SLC13A3: variants seen among roughly 807,000 people sequenced by gnomAD.
SLC13A3 encodes Na(+)/dicarboxylate cotransporter 3.
SLC13A3 carries 40 observed loss-of-function variants against 59.0 expected under a neutral mutation model. That is an observed-to-expected ratio of 0.68 (90% CI 0.53 to 0.88). SLC13A3 has a LOEUF of 0.88. SLC13A3 is among the 40% of genes least tolerant of loss of function. The pLI is 0.00. For synonymous variants in SLC13A3, 317 were observed against 330.3 expected (o/e 0.96, Z 0.44); for missense variants, 699 against 783.2 (o/e 0.89, Z 1.28).
At chr20:46,628,482 C>T (rs2062701459) in intron 1 of SLC13A3, among the ~76,000 whole-genome samples, 1 of 152,150 alleles carries the variant, frequency 6.6e-6, no homozygotes, top group Non-Finnish European at 1.5e-5. Context: ...CTAACGGAGT[C>T]TGCATCTGGA....
At chr20:46,675,266 G>C (rs530519683) in intron 1 of SLC13A3, among the ~76,000 whole-genome samples, 1 of 152,066 alleles carries the variant, frequency 6.6e-6, no homozygotes, top group Middle Eastern at 3.4e-3. Context: ...GTCTCACTCT[G>C]TCACCCAGGC....
intron 1 of SLC13A3, among the ~76,000 whole-genome samples, chr20:46,663,474 C>T (rs2063044088): frequency 6.6e-6 from 1 of 151,602 alleles, no homozygotes. Flanking sequence ...GGGGGCTTTA[C>T]CAAGATTTGT....
At position 46,675,913 on chromosome 20, in the gene SLC13A3, C is replaced by T. The variant is rs914446411; in HGVS notation, c.-31+8483G>A. On this transcript the variant is annotated intron_variant, in intron 1 of 6. Coordinates refer to the SLC13A3 transcript ENST00000372121. ...GAACGGAGAGTAGTTCCAAATTCATCAGCTTCTTTTCTTTTTTTGAGACAG... is the reference window on the plus strand; with the variant it reads ...GAACGGAGAGTAGTTCCAAATTCATTAGCTTCTTTTCTTTTTTTGAGACAG... 2.0e-5 allele frequency: 3 copies of T among 151,648 alleles called. No individual in the cohort carries two copies. In the East Asian group the frequency reaches 5.9e-4, roughly 30 times the overall value. 9.4% of individuals were successfully genotyped at this position (151,648 alleles called of 1,614,324 possible).
intron 1 of SLC13A3, among the ~76,000 whole-genome samples, chr20:46,662,334 C>CA (rs901920935): frequency 1.2e-4 from 18 of 152,078 alleles, no homozygotes; most frequent in African/African-American, 3.9e-4. Flanking sequence ...GAACTCTTTC[C>CA]AAAAAAATAA....
At chr20:46,643,528 G>A (rs995145088) in intron 1 of SLC13A3, among the ~76,000 whole-genome samples, 10 of 152,162 alleles carry the variant, frequency 6.6e-5, no homozygotes, top group African/African-American at 2.2e-4. Context: ...CCAGAGCGCT[G>A]GGAGCAGAGG....
chr20:46,569,394 G>A (rs1453593919), intron 10 of SLC13A3, among the ~76,000 whole-genome samples: 1 of 152,194 alleles, frequency 6.6e-6, no homozygotes, highest in South Asian at 2.1e-4. Context: ...CAAGGTCAGA[G>A]GTGGCATGGC....
chr20:46,576,772 C>T (rs528297533), intron 9 of SLC13A3, among the ~76,000 whole-genome samples: 24 of 152,292 alleles, frequency 1.6e-4, no homozygotes, highest in African/African-American at 5.8e-4. Flanking sequence ...TCTCCCAGGA[C>T]ACTTCCTGGT....
intron 3 of SLC13A3, among the ~76,000 whole-genome samples, chr20:46,607,359 T>A (rs1224939647): frequency 2.0e-5 from 3 of 152,136 alleles, no homozygotes; most frequent in African/African-American, 7.2e-5. Context: ...CCTAGCCCAC[T>A]GGCAGAATCT....
At chr20:46,651,246 G>C in intron 1 of SLC13A3, 65 bp downstream of exon 1, 8 of 1,415,338 alleles carry the variant, frequency 5.7e-6, no homozygotes, top group Non-Finnish European at 7.4e-6. Context: ...TCCCAACTTG[G>C]AGGCTTGGGA....
intron 1 of SLC13A3, among the ~76,000 whole-genome samples, chr20:46,639,458 C>A (rs1189006963): frequency 3.9e-5 from 6 of 151,978 alleles, no homozygotes; most frequent in Non-Finnish European, 2.9e-5. Context: ...GACTCTGTCT[C>A]AGAAAAAAAC....
At chr20:46,573,517 G>A (rs893156556) in intron 10 of SLC13A3, among the ~76,000 whole-genome samples, 11 of 152,296 alleles carry the variant, frequency 7.2e-5, no homozygotes, top group East Asian at 3.9e-4. Context: ...AATGAAGCCC[G>A]TGCTTCCGAA....
chr20:46,684,424 A>T (rs2063170374), exon 1 of SLC13A3: 1 of 152,210 alleles, frequency 6.6e-6, no homozygotes, highest in Admixed American at 6.5e-5. Context: ...ATGCCTCAGA[A>T]AACTTATAAT....
chr20:46,639,078 C>A (rs1754950858), intron 1 of SLC13A3, among the ~76,000 whole-genome samples: 1 of 152,130 alleles, frequency 6.6e-6, no homozygotes, highest in Admixed American at 6.5e-5. Context: ...TTATCATACC[C>A]ATTTCACAGA....
chr20:46,577,977 G>C (rs1600509665), intron 9 of SLC13A3, among the ~76,000 whole-genome samples: 2 of 80,524 alleles, frequency 2.5e-5, no homozygotes, highest in South Asian at 8.4e-4. Flanking sequence ...GCAAGTCCCT[G>C]GCTATTTATT....
intron 5 of SLC13A3, 28 bp from the exon 6 acceptor site, chr20:46,592,557 G>A (rs1320312458): frequency 1.9e-6 from 3 of 1,611,702 alleles, no homozygotes; most frequent in African/African-American, 2.7e-5. Flanking sequence ...ATGAGAACAG[G>A]CCAAGGGCAG....
intron 2 of SLC13A3, among the ~76,000 whole-genome samples, chr20:46,613,218 T>G (rs1363271540): frequency 6.6e-6 from 1 of 151,964 alleles, no homozygotes; most frequent in East Asian, 1.9e-4. Flanking sequence ...CCCAGGTGAT[T>G]CTTCTGCACC....
intron 10 of SLC13A3, among the ~76,000 whole-genome samples, chr20:46,567,170 C>T (rs773150473): frequency 1.3e-5 from 2 of 151,870 alleles, no homozygotes; most frequent in Non-Finnish European, 2.9e-5. Flanking sequence ...CCAGCCTGGG[C>T]GACAGAAACT....
chr20:46,584,553 G>A lies in SLC13A3; in HGVS notation c.1122-884C>T. On this transcript the variant is annotated intron_variant, in intron 8 of 12. Coordinates refer to ENST00000279027, the MANE Select transcript of SLC13A3 (RefSeq NM_022829.6). ...TTCAAACAGACAAGAAGTTGGAAGA[G>A]ATGGTCAATATCACTATCATCAGAG... 4.4e-6 allele frequency: 4 copies of A among 911,364 alleles called. No homozygotes were observed. The South Asian group carries it at 2.0e-4, about 46-fold the overall frequency. 56.5% of individuals were successfully genotyped at this position (911,364 alleles called of 1,614,324 possible).
At chr20:46,651,605 G>A (rs920885148), upstream of SLC13A3, 3 of 1,238,058 alleles carry the variant, frequency 2.4e-6, no homozygotes, top group Admixed American at 4.2e-5. Flanking sequence ...GCCCGGGAAC[G>A]TTGGAGAAAG....
Sources: allele counts gnomAD v4.1 joint callset (sites outside exome capture counted in the v4.1 genomes callset), GRCh38; gene constraint gnomAD v4.1.1; transcripts MANE v1.5; gene names NCBI Gene and HGNC (gene_info 2026-07-23, HGNC 2026-07-21).